RIMS2: variants seen among roughly 807,000 people sequenced by gnomAD.
RIMS2 encodes regulating synaptic membrane exocytosis 2, also known as regulating synaptic membrane exocytosis protein 2.
In RIMS2, 59 loss-of-function variants were observed where a neutral mutation model predicts 174.4. The ratio of observed to expected loss-of-function variants is 0.34; its 90% confidence interval spans 0.27 to 0.42. The LOEUF (loss-of-function observed/expected upper bound fraction) is 0.42. Ranked by LOEUF, RIMS2 falls within the 10% of genes least tolerant of loss-of-function variation. The pLI is 1.00. For missense variants in RIMS2, 1,620 were observed against 1,666.3 expected, an observed-to-expected ratio of 0.97 and a Z score of 0.48; for synonymous variants, 606 against 572.5, an observed-to-expected ratio of 1.06 and a Z score of -0.84.
rs751709072 is a variant in RIMS2 at position 104,128,469 on chromosome 8, G to A, written c.3334+113854G>A. ...CCCAGCACTTTGGGAGGCCGAGGTG[G>A]GTGGATCACCTGAGGTCAGGAGTTT... On this transcript the variant is annotated intron_variant, in intron 19 of 23. Transcript: ENST00000504942. Among the ~76,000 whole-genome samples the A allele has an allele frequency of 3.7e-4, 57 of 152,158 alleles. 1 individual carries two copies. Among genetic ancestry groups the A allele is most frequent in the Non-Finnish European group, 6.9e-4 (47 of 68,028 alleles).
chr8:103,729,588 ATTAC>A (rs1392065679), intron 2 of RIMS2, among the ~76,000 whole-genome samples: 1 of 151,330 alleles, frequency 6.6e-6, no homozygotes, highest in Non-Finnish European at 1.5e-5. Context: ...GATTTGTGTT[ATTAC>A]TTCTACTTAT....
chr8:103,614,636 G>T (rs1279700346), intron 1 of RIMS2, among the ~76,000 whole-genome samples: 1 of 152,226 alleles, frequency 6.6e-6, no homozygotes, highest in African/African-American at 2.4e-5. Context: ...TCCAGAGCTT[G>T]TATTCTCAAA....
chr8:103,503,501 C>T (rs1476533943), intron 1 of RIMS2, among the ~76,000 whole-genome samples: 2 of 151,844 alleles, frequency 1.3e-5, no homozygotes, highest in East Asian at 1.9e-4. Context: ...TTTTAGGGTT[C>T]GCTTACCTAG....
At chr8:103,542,965 C>A (rs1040709032) in intron 1 of RIMS2, among the ~76,000 whole-genome samples, 1 of 152,124 alleles carries the variant, frequency 6.6e-6, no homozygotes, top group African/African-American at 2.4e-5. Flanking sequence ...AGGAATAAGA[C>A]AAGGATGCCT....
chr8:103,906,307 C>T (rs1170497277), intron 4 of RIMS2, among the ~76,000 whole-genome samples: 1 of 152,138 alleles, frequency 6.6e-6, no homozygotes, highest in African/African-American at 2.4e-5. Context: ...TGCAATGGCA[C>T]TGTCTCAGCT....
At chr8:103,921,763 G>A in exon 10 of RIMS2, 1 of 1,428,314 alleles carries the variant, frequency 7.0e-7, no homozygotes, top group Non-Finnish European at 9.9e-7. Context: ...ATGTCCCACA[G>A]TTCTTATCAG....
At chr8:104,234,799 G>T (rs978216097) in intron 19 of RIMS2, among the ~76,000 whole-genome samples, 1 of 152,054 alleles carries the variant, frequency 6.6e-6, no homozygotes, top group African/African-American at 2.4e-5. Flanking sequence ...CAGTCCTCTG[G>T]CTTGATCCCT....
chr8:103,573,044 C>G (rs995348272), intron 1 of RIMS2, among the ~76,000 whole-genome samples: 3 of 151,190 alleles, frequency 2.0e-5, no homozygotes, highest in African/African-American at 7.3e-5. Context: ...GGCCTTACCC[C>G]TACATTTAAG....
chr8:103,574,730 T>G (rs967887470), intron 1 of RIMS2, among the ~76,000 whole-genome samples: 1 of 152,200 alleles, frequency 6.6e-6, no homozygotes, highest in African/African-American at 2.4e-5. Flanking sequence ...TAATTGTAAC[T>G]GGTGGGTTAA....
chr8:104,251,426 C>G (rs1042665936), intron 23 of RIMS2, among the ~76,000 whole-genome samples, 176 bp from the exon 30 acceptor site: 1 of 152,152 alleles, frequency 6.6e-6, no homozygotes, highest in Admixed American at 6.5e-5. Context: ...GTACAATTTC[C>G]CCAGTGTACC....
At chr8:104,146,686 T>A (rs917852788) in intron 19 of RIMS2, among the ~76,000 whole-genome samples, 1 of 152,144 alleles carries the variant, frequency 6.6e-6, no homozygotes, top group Non-Finnish European at 1.5e-5. Flanking sequence ...GAAGAGTATA[T>A]GTTTTGAATA....
At position 104,249,100 on chromosome 8, in the gene RIMS2, T is replaced by A. The variant is rs964344136; in HGVS notation, c.3589+287T>A. Among the ~76,000 whole-genome samples, 8 of 129,864 alleles carry A rather than the reference T, an allele frequency of 6.2e-5. 1 individual carries two copies. Among genetic ancestry groups the A allele is most frequent in the African/African-American group, 2.6e-4 (8 of 30,994 alleles). 85.2% of individuals were successfully genotyped at this position (129,864 alleles called of 152,430 possible). A position where few individuals can be genotyped will look rare whatever the true frequency, so the allele number is the denominator to read the frequency against. Reference sequence around the variant, plus strand: ...CACGCCACCATAACCAGCAAATATTTTGACTTTTTTTTTGTAGAGACAGGG... The same window carrying A: ...CACGCCACCATAACCAGCAAATATTATGACTTTTTTTTTGTAGAGACAGGG... On this transcript the variant is annotated intron_variant, in intron 21 of 23. Coordinates refer to ENST00000504942, the Ensembl canonical transcript of RIMS2.
chr8:103,811,459 T>A (rs1430992064), intron 3 of RIMS2, among the ~76,000 whole-genome samples: 5 of 152,178 alleles, frequency 3.3e-5, no homozygotes, highest in Non-Finnish European at 7.3e-5. Context: ...ATTAATTTAT[T>A]TTTGAGTCGG....
intron 19 of RIMS2, among the ~76,000 whole-genome samples, chr8:104,164,647 T>C (rs1328422706): frequency 1.3e-5 from 2 of 152,176 alleles, no homozygotes; most frequent in Non-Finnish European, 2.9e-5. Flanking sequence ...TTATGTTCTT[T>C]TCAGGGATGT....
At chr8:103,517,723 A>G (rs1450825534) in intron 1 of RIMS2, among the ~76,000 whole-genome samples, 2 of 151,970 alleles carry the variant, frequency 1.3e-5, no homozygotes, top group African/African-American at 4.8e-5. Context: ...GAGGCAATGG[A>G]AGGCTGCAGT....
chr8:103,786,445 C>A (rs202038005), intron 3 of RIMS2, among the ~76,000 whole-genome samples: 4 of 151,624 alleles, frequency 2.6e-5, no homozygotes, highest in Admixed American at 2.0e-4. Context: ...GCTTTGAATG[C>A]GTCCCAGAGA....
chr8:103,785,222 C>A (rs1345114176), intron 3 of RIMS2, among the ~76,000 whole-genome samples: 1 of 146,804 alleles, frequency 6.8e-6, no homozygotes, highest in Non-Finnish European at 1.5e-5. Context: ...CAAACAGGGA[C>A]AATTTGACTT....
At chr8:103,618,713 A>T (rs2095561947) in intron 1 of RIMS2, among the ~76,000 whole-genome samples, 1 of 152,088 alleles carries the variant, frequency 6.6e-6, no homozygotes, top group Non-Finnish European at 1.5e-5. Context: ...TGTCATCTTC[A>T]CACAGATGAG....
intron 19 of RIMS2, among the ~76,000 whole-genome samples, chr8:104,108,565 C>A (rs1432837594): frequency 6.6e-6 from 1 of 152,058 alleles, no homozygotes; most frequent in African/African-American, 2.4e-5. Flanking sequence ...CCCCAGAGTG[C>A]TTGGATTACA....
Sources: gnomAD v4.1 joint callset for allele counts (sites outside exome capture counted in the v4.1 genomes callset) on GRCh38, gnomAD v4.1.1 for gene constraint, MANE v1.5 for transcripts, NCBI Gene and HGNC (gene_info 2026-07-23, HGNC 2026-07-21) for gene names.